The following DLGAP1 variants were observed in gnomAD, a reference collection of about 807,000 sequenced individuals.
DLGAP1 encodes the protein DLG associated protein 1.
A neutral mutation model predicts 90.8 loss-of-function variants in DLGAP1; 11 were observed. That is an observed-to-expected ratio of 0.12 (90% confidence interval 0.08 to 0.20). DLGAP1 has a LOEUF of 0.20. Among genes scored for constraint, DLGAP1 ranks in the 10% least tolerant of loss-of-function variants. The pLI is 1.00. For synonymous variants in DLGAP1, 558 were observed against 540.7 expected (o/e 1.03, Z -0.44); for missense variants, 1,050 against 1,333.8 (o/e 0.79, Z 3.31).
intron 1 of DLGAP1, among the ~76,000 whole-genome samples, chr18:4,415,244 T>C (rs888082594): frequency 5.9e-5 from 9 of 152,134 alleles, no homozygotes; most frequent in Non-Finnish European, 1.2e-4. Context: ...TGTATGAAAA[T>C]GTAATCCACA....
chr18:3,525,250 C>A (rs965756852), intron 10 of DLGAP1, among the ~76,000 whole-genome samples: 1 of 151,766 alleles, frequency 6.6e-6, no homozygotes, highest in Non-Finnish European at 1.5e-5. Context: ...ATATCAGCCA[C>A]GAAATGGTAG....
chr18:3,538,993 G>A (rs2052537350), intron 9 of DLGAP1, among the ~76,000 whole-genome samples: 1 of 152,228 alleles, frequency 6.6e-6, no homozygotes, highest in Non-Finnish European at 1.5e-5. Context: ...GAAAAGTTAA[G>A]TAAAATTAAA....
At position 3,714,855 on chromosome 18, in the gene DLGAP1, C is replaced by T. The variant is rs533339901; in HGVS notation, c.1591+14280G>A. 5.3e-5 allele frequency among the ~76,000 whole-genome samples: 8 copies of T among 152,104 alleles called. No individual in the cohort carries two copies. The East Asian group carries it at 1.5e-3, about 29-fold the overall frequency. On this transcript the variant is annotated intron_variant, in intron 7 of 12. Coordinates refer to ENST00000315677, the MANE Select transcript of DLGAP1 (RefSeq NM_004746.4). ...TTCGCCATGTTGGCCAGGCTGGTCT[C>T]GAACTCCTGACCTCAAGGTGATTTG...
At chr18:4,197,199 A>AAAAAAAAAAAAAAAAAAAAAAAAAAAAAG (rs1555760529) in intron 1 of DLGAP1, among the ~76,000 whole-genome samples, 4 of 144,300 alleles carry the variant, frequency 2.8e-5, no homozygotes, top group African/African-American at 8.1e-5. Flanking sequence ...AAAAAAAAAA[A>AAAAAAAAAAAAAAAAAAAAAAAAAAAAAG]AAAAAAAAAG....
intron 4 of DLGAP1, among the ~76,000 whole-genome samples, chr18:3,842,811 C>G (rs1431770156): frequency 6.6e-6 from 1 of 151,964 alleles, no homozygotes; most frequent in Admixed American, 6.6e-5. Flanking sequence ...TTGTGTCATG[C>G]CTTTATTTTT....
chr18:4,130,629 T>C (rs558232855), intron 2 of DLGAP1, among the ~76,000 whole-genome samples: 1 of 152,158 alleles, frequency 6.6e-6, no homozygotes, highest in South Asian at 2.1e-4. Context: ...GAAGTTTACA[T>C]TCCAGTAGAA....
At chr18:3,846,416 T>C (rs2069017618) in intron 4 of DLGAP1, among the ~76,000 whole-genome samples, 3 of 152,178 alleles carry the variant, frequency 2.0e-5, no homozygotes, top group African/African-American at 7.2e-5. Flanking sequence ...AAGTATAGTG[T>C]CACCATATGA....
rs547682431 is a variant in DLGAP1 at position 4,446,498 on chromosome 18, C to T, written c.-267+8508G>A. On this transcript the variant is annotated intron_variant, in intron 1 of 12. Coordinates refer to ENST00000315677, the MANE Select transcript of DLGAP1 (RefSeq NM_004746.4). ...ACAGTACAACCACCTTGCTCTCTAA[C>T]GTAATGAGTAAGAAATTAAGACTAA... is the stretch of plus-strand genomic sequence containing the variant. 3.3e-5 allele frequency among the ~76,000 whole-genome samples: 5 copies of T among 152,106 alleles called. 1 individual carries two copies. Among genetic ancestry groups the T allele is most frequent in the African/African-American group, 9.6e-5 (4 of 41,490 alleles).
intron 1 of DLGAP1, among the ~76,000 whole-genome samples, chr18:4,178,817 A>G (rs1192590163): frequency 1.3e-5 from 2 of 152,184 alleles, no homozygotes; most frequent in African/African-American, 4.8e-5. Flanking sequence ...ATGTACTTTC[A>G]TATTACATTT....
At chr18:3,794,116 C>T (rs980941172) in intron 5 of DLGAP1, among the ~76,000 whole-genome samples, 1 of 152,146 alleles carries the variant, frequency 6.6e-6, no homozygotes, top group Non-Finnish European at 1.5e-5. Flanking sequence ...TCATTCCTAA[C>T]TCTGCACGTC....
At chr18:3,724,777 C>T (rs1183517870) in intron 7 of DLGAP1, among the ~76,000 whole-genome samples, 1 of 151,818 alleles carries the variant, frequency 6.6e-6, no homozygotes, top group African/African-American at 2.4e-5. Flanking sequence ...GTGATGTGCA[C>T]CTGTATTCCC....
At chr18:3,931,974 C>A (rs1408333152) in intron 3 of DLGAP1, among the ~76,000 whole-genome samples, 5 of 152,046 alleles carry the variant, frequency 3.3e-5, no homozygotes, top group African/African-American at 1.2e-4. Flanking sequence ...TGCTGTGCAC[C>A]CTTGGTTTCT....
At chr18:3,867,602 C>T (rs1329974743) in intron 4 of DLGAP1, among the ~76,000 whole-genome samples, 6 of 152,066 alleles carry the variant, frequency 3.9e-5, no homozygotes, top group Non-Finnish European at 8.8e-5. Flanking sequence ...GAGTGTCATG[C>T]CCCACTCTGG....
At chr18:4,242,233 G>C (rs2078552059) in intron 1 of DLGAP1, among the ~76,000 whole-genome samples, 1 of 151,966 alleles carries the variant, frequency 6.6e-6, no homozygotes, top group Non-Finnish European at 1.5e-5. Flanking sequence ...AGGCTTTTTA[G>C]GGGACAAAGA....
intron 3 of DLGAP1, among the ~76,000 whole-genome samples, chr18:3,999,823 T>G (rs1568343230): frequency 6.6e-6 from 1 of 152,158 alleles, no homozygotes; most frequent in Non-Finnish European, 1.5e-5. Context: ...TTTTGTGTTT[T>G]CTTTCTGAGA....
intron 2 of DLGAP1, among the ~76,000 whole-genome samples, chr18:4,111,314 T>C (rs2075968435): frequency 6.6e-6 from 1 of 152,104 alleles, no homozygotes; most frequent in Non-Finnish European, 1.5e-5. Context: ...AGTTTGCTAG[T>C]GTTTTGTTGA....
At chr18:4,221,043 A>G (rs939303330) in intron 1 of DLGAP1, among the ~76,000 whole-genome samples, 1 of 152,144 alleles carries the variant, frequency 6.6e-6, no homozygotes, top group African/African-American at 2.4e-5. Context: ...AATAGGCTAT[A>G]TCATGTAGTA....
intron 9 of DLGAP1, among the ~76,000 whole-genome samples, chr18:3,539,130 T>C (rs1426931522): frequency 1.3e-5 from 2 of 152,268 alleles, no homozygotes; most frequent in African/African-American, 4.8e-5. Flanking sequence ...TGTTCTGCTC[T>C]ACAAAATGAT....
intron 7 of DLGAP1, among the ~76,000 whole-genome samples, chr18:3,595,013 G>C (rs2240899): frequency 0.61 from 92,658 of 152,064 alleles, 28,582 homozygotes; most frequent in East Asian, 0.69. Flanking sequence ...CCACCTCAAA[G>C]CTTTTATCTC....
Sources: allele counts gnomAD v4.1 joint callset (sites outside exome capture counted in the v4.1 genomes callset), GRCh38; gene constraint gnomAD v4.1.1; transcripts MANE v1.5; gene names NCBI Gene and HGNC (gene_info 2026-07-23, HGNC 2026-07-21).